Variants in KHDRBS2 observed in about 807,000 individuals in gnomAD.
KHDRBS2 encodes the protein KH RNA binding domain containing, signal transduction associated 2.
A neutral mutation model predicts 44.3 loss-of-function variants in KHDRBS2; 26 were observed. The observed-to-expected ratio is 0.59, with a 90% confidence interval of 0.43 to 0.81. KHDRBS2 has a LOEUF of 0.81. Ranked by LOEUF, KHDRBS2 falls within the 40% of genes least tolerant of loss-of-function variation. The pLI, the probability that KHDRBS2 is intolerant of heterozygous loss-of-function variation, is 0.00. For missense variants in KHDRBS2, 476 were observed against 433.1 expected (o/e 1.10, Z -0.88); for synonymous variants, 194 against 151.1 (o/e 1.28, Z -2.08).
chr6:62,180,507 G>A (rs1206402503), intron 1 of KHDRBS2, among the ~76,000 whole-genome samples: 2 of 151,646 alleles, frequency 1.3e-5, no homozygotes, highest in Non-Finnish European at 1.5e-5. Context: ...CGACTTGTAC[G>A]CTGAAAACCA....
At chr6:61,564,690 G>A in the KHDRBS2 span, among the ~76,000 whole-genome samples, 1 of 152,080 alleles carries the variant, frequency 6.6e-6, no homozygotes, top group African/African-American at 2.4e-5. Flanking sequence ...GGAGGCTGTG[G>A]AGCTGGAGAT....
chr6:61,991,560 A>T (rs987976466), intron 3 of KHDRBS2, among the ~76,000 whole-genome samples: 1 of 152,198 alleles, frequency 6.6e-6, no homozygotes, highest in Non-Finnish European at 1.5e-5. Context: ...CCCCCAGTAG[A>T]TATTGCCAGA....
At chr6:62,274,031 G>A (rs1308914367) in intron 1 of KHDRBS2, among the ~76,000 whole-genome samples, 1 of 152,084 alleles carries the variant, frequency 6.6e-6, no homozygotes, top group Non-Finnish European at 1.5e-5. Flanking sequence ...CGCCTTCTGG[G>A]TTCAATCAAT....
rs984208806 is a variant in KHDRBS2, at chr6:62,276,645, A to G, written c.91+9213T>C. On this transcript the variant is annotated intron_variant, in intron 1 of 8. Transcript: ENST00000281156. ...TACTAAGGTAAATTCCCCCATTCAT[A>G]AATTTATTTGACTTTTATAAGCTAT... Among the ~76,000 whole-genome samples the G allele has an allele frequency of 1.6e-4, 24 of 152,226 alleles. 1 individual carries two copies.
intron 2 of KHDRBS2, among the ~76,000 whole-genome samples, chr6:62,121,117 G>C (rs1807531910): frequency 6.6e-6 from 1 of 152,100 alleles, no homozygotes; most frequent in African/African-American, 2.4e-5. Context: ...GGCTCATCCT[G>C]TGGTCATTTC....
At chr6:62,010,308 C>G (rs1401774424) in intron 3 of KHDRBS2, among the ~76,000 whole-genome samples, 1 of 152,120 alleles carries the variant, frequency 6.6e-6, no homozygotes, top group Non-Finnish European at 1.5e-5. Context: ...TTTGGAATGC[C>G]TGCTCCCCCA....
At position 61,681,127 on chromosome 6, in the gene KHDRBS2, C is replaced by T. The variant is rs1031123705; in HGVS notation, c.953-67G>A. The T allele has an allele frequency of 1.5e-5, 16 of 1,068,780 alleles. No individual in the cohort carries two copies. In the Admixed American group the frequency reaches 3.1e-4, roughly 20 times the overall value. The allele number at this position is 1,068,780 out of a possible 1,614,324, so 66.2% of individuals were successfully genotyped here. A position where few individuals can be genotyped will look rare whatever the true frequency, so the allele number is the denominator to read the frequency against. ...AGTTACCAAAAATAGTCATTTAAGA[C>T]ACAATAGTTGACCGAGAAAAAGAAA... On this transcript the variant is annotated intron_variant, in intron 8 of 8. Transcript: ENST00000281156.
At chr6:61,568,153 T>C in the KHDRBS2 span, among the ~76,000 whole-genome samples, 1 of 152,174 alleles carries the variant, frequency 6.6e-6, no homozygotes, top group African/African-American at 2.4e-5. Context: ...TGGCTGTATA[T>C]TTGTGGCTTT....
intron 2 of KHDRBS2, among the ~76,000 whole-genome samples, chr6:62,086,879 T>G (rs547866435): frequency 6.6e-6 from 1 of 151,916 alleles, no homozygotes; most frequent in South Asian, 2.1e-4. Flanking sequence ...GGGATCCATT[T>G]CATCATACTG....
chr6:61,978,939 T>C (rs569008439), intron 3 of KHDRBS2, among the ~76,000 whole-genome samples: 1 of 152,182 alleles, frequency 6.6e-6, no homozygotes, highest in Non-Finnish European at 1.5e-5. Context: ...TTATTTTTAA[T>C]GGCAAAAACC....
At chr6:61,792,253 T>A (rs1210375087) in intron 6 of KHDRBS2, among the ~76,000 whole-genome samples, 1 of 151,554 alleles carries the variant, frequency 6.6e-6, no homozygotes, top group Non-Finnish European at 1.5e-5. Context: ...CATATGCTGC[T>A]GGTTTTTATA....
At chr6:61,809,787 T>C (rs1333782239) in intron 6 of KHDRBS2, among the ~76,000 whole-genome samples, 2 of 152,148 alleles carry the variant, frequency 1.3e-5, no homozygotes, top group Non-Finnish European at 2.9e-5. Flanking sequence ...TATGAATAAA[T>C]ATTGCAGTTT....
chr6:62,113,945 C>T (rs925882738), intron 2 of KHDRBS2, among the ~76,000 whole-genome samples: 2 of 152,022 alleles, frequency 1.3e-5, no homozygotes, highest in African/African-American at 4.8e-5. Context: ...CTCACAGTTC[C>T]GCATGGCTGG....
chr6:61,833,033 T>G (rs1396809020), intron 6 of KHDRBS2, among the ~76,000 whole-genome samples: 1 of 152,220 alleles, frequency 6.6e-6, no homozygotes, highest in East Asian at 1.9e-4. Flanking sequence ...GTGCTGATCC[T>G]TACTTATATG....
chr6:61,720,364 CA>C (rs1772240522), intron 7 of KHDRBS2, among the ~76,000 whole-genome samples: 1 of 152,112 alleles, frequency 6.6e-6, no homozygotes, highest in Admixed American at 6.6e-5. Flanking sequence ...CTGACTTCCA[CA>C]ATGGTTGAAC....
chr6:62,011,654 C>T (rs1311968315), intron 3 of KHDRBS2, among the ~76,000 whole-genome samples: 3 of 152,234 alleles, frequency 2.0e-5, no homozygotes, highest in East Asian at 1.9e-4. Flanking sequence ...AGCCCATTTG[C>T]TCCTTCCTTA....
the KHDRBS2 span, among the ~76,000 whole-genome samples, chr6:61,651,198 T>G: frequency 0.14 from 21,030 of 152,114 alleles, 2,033 homozygotes; most frequent in South Asian, 0.27. Flanking sequence ...ACAAAGCCTA[T>G]GACTTAGGGA....
At chr6:61,955,292 G>A (rs1384045713) in intron 4 of KHDRBS2, among the ~76,000 whole-genome samples, 3 of 144,150 alleles carry the variant, frequency 2.1e-5, no homozygotes, top group African/African-American at 7.6e-5. Context: ...TCATACGTAT[G>A]TATGTATACA....
intron 2 of KHDRBS2, among the ~76,000 whole-genome samples, chr6:62,060,625 C>A (rs201640750): frequency 2.1e-4 from 31 of 149,844 alleles, no homozygotes; most frequent in East Asian, 1.2e-3. Context: ...CTCTCTCTCT[C>A]TCTCTCTCTA....
Sources: gnomAD v4.1 joint callset for allele counts (sites outside exome capture counted in the v4.1 genomes callset) on GRCh38, gnomAD v4.1.1 for gene constraint, MANE v1.5 for transcripts, NCBI Gene and HGNC (gene_info 2026-07-23, HGNC 2026-07-21) for gene names.